ERC2: variants seen among roughly 807,000 people sequenced by gnomAD.
ERC2 encodes ELKS/RAB6-interacting/CAST family member 2, also known as ERC protein 2.
In ERC2, 42 loss-of-function variants were observed where a neutral mutation model predicts 114.8. The observed-to-expected ratio is 0.37, with a 90% CI of 0.29 to 0.47. ERC2 has a LOEUF of 0.47. Ranked by LOEUF, ERC2 falls within the 20% of genes least tolerant of loss-of-function variation. ERC2 has a pLI of 0.99. For synonymous variants in ERC2, 454 were observed against 425.5 expected (o/e 1.07, Z -0.82); for missense variants, 939 against 1,150.7 (o/e 0.82, Z 2.66).
At chr3:55,581,442 G>A (rs2057256378) in intron 17 of ERC2, among the ~76,000 whole-genome samples, 1 of 152,148 alleles carries the variant, frequency 6.6e-6, no homozygotes, top group South Asian at 2.1e-4. Context: ...TTAACTCAGG[G>A]GAGTTACCCA....
intron 14 of ERC2, among the ~76,000 whole-genome samples, chr3:55,880,227 G>A (rs931127830): frequency 2.0e-5 from 3 of 152,188 alleles, no homozygotes; most frequent in African/African-American, 4.8e-5. Context: ...CAGAAGGAAC[G>A]TGAGTCCCTA....
At chr3:55,924,859 G>C (rs1238168230) in intron 13 of ERC2, among the ~76,000 whole-genome samples, 3 of 152,176 alleles carry the variant, frequency 2.0e-5, no homozygotes, top group Non-Finnish European at 4.4e-5. Flanking sequence ...AATGAACCCT[G>C]TGTGGATATA....
intron 14 of ERC2, among the ~76,000 whole-genome samples, chr3:55,878,506 C>T (rs997045198): frequency 6.6e-6 from 1 of 152,162 alleles, no homozygotes; most frequent in African/African-American, 2.4e-5. Flanking sequence ...GCCACCATTC[C>T]CACACTTGAA....
chr3:55,608,079 C>T (rs976688364), intron 17 of ERC2, among the ~76,000 whole-genome samples: 115 of 152,230 alleles, frequency 7.6e-4, no homozygotes, highest in African/African-American at 2.6e-3. Context: ...CTTTGCATTA[C>T]GAAAGAGACC....
At chr3:55,516,363 G>A (rs1182912965) in intron 17 of ERC2, among the ~76,000 whole-genome samples, 6 of 151,940 alleles carry the variant, frequency 3.9e-5, no homozygotes, top group Non-Finnish European at 7.4e-5. Flanking sequence ...ATTTATTATT[G>A]TTGTGATCAA....
intron 14 of ERC2, among the ~76,000 whole-genome samples, chr3:55,799,381 TTA>T (rs749659338): frequency 5.6e-5 from 6 of 106,946 alleles, no homozygotes; most frequent in East Asian, 2.6e-4. Flanking sequence ...TATATATGCC[TTA>T]TATATATATA....
chr3:55,880,387 T>C (rs996333159), intron 14 of ERC2, among the ~76,000 whole-genome samples: 1 of 152,212 alleles, frequency 6.6e-6, no homozygotes, highest in Non-Finnish European at 1.5e-5. Context: ...TTCAGCATAG[T>C]TTTTTTGTTG....
chr3:55,748,741 G>A (rs2132237), intron 14 of ERC2, among the ~76,000 whole-genome samples: 81,794 of 151,916 alleles, frequency 0.54, 22,425 homozygotes, highest in South Asian at 0.69. Flanking sequence ...TCTTCATCCC[G>A]AATGCCTAGT....
chr3:55,592,250 C>A (rs2057927390), intron 17 of ERC2, among the ~76,000 whole-genome samples: 1 of 152,238 alleles, frequency 6.6e-6, no homozygotes, highest in South Asian at 2.1e-4. Context: ...TATCTGGGCA[C>A]AAGCTTTGCT....
chr3:56,021,094 G>C (rs1353274713), intron 7 of ERC2, among the ~76,000 whole-genome samples: 1 of 152,096 alleles, frequency 6.6e-6, no homozygotes, highest in Non-Finnish European at 1.5e-5. Flanking sequence ...TATTGAGCTA[G>C]GGATGCACCA....
At chr3:55,939,928 C>G (rs188122567) in intron 13 of ERC2, among the ~76,000 whole-genome samples, 1 of 152,150 alleles carries the variant, frequency 6.6e-6, no homozygotes, top group Non-Finnish European at 1.5e-5. Context: ...TTATTATAAC[C>G]GATTGCTCTA....
At chr3:55,524,106 C>T (rs2053146584) in intron 17 of ERC2, among the ~76,000 whole-genome samples, 1 of 152,156 alleles carries the variant, frequency 6.6e-6, no homozygotes, top group African/African-American at 2.4e-5. Flanking sequence ...TGAACTCTGC[C>T]TATAAAGTCC....
intron 14 of ERC2, among the ~76,000 whole-genome samples, chr3:55,818,969 C>A (rs984683896): frequency 2.6e-5 from 4 of 152,164 alleles, no homozygotes; most frequent in African/African-American, 4.8e-5. Flanking sequence ...TTTACAGATA[C>A]CAGAGTACCT....
chr3:55,857,112 T>C (rs2061822384), intron 14 of ERC2, among the ~76,000 whole-genome samples: 1 of 152,100 alleles, frequency 6.6e-6, no homozygotes, highest in African/African-American at 2.4e-5. Context: ...TACTGCAAAA[T>C]AAATGTACCA....
chr3:56,043,117 C>A (rs1328714108), intron 7 of ERC2, among the ~76,000 whole-genome samples: 1 of 152,152 alleles, frequency 6.6e-6, no homozygotes, highest in Non-Finnish European at 1.5e-5. Context: ...ATGAAAAAAA[C>A]TCCTAATATA....
intron 14 of ERC2, among the ~76,000 whole-genome samples, chr3:55,750,387 C>T (rs903217799): frequency 1.3e-5 from 2 of 152,150 alleles, no homozygotes; most frequent in African/African-American, 4.8e-5. Flanking sequence ...TAAACTGAGA[C>T]TGTAATATTT....
intron 13 of ERC2, among the ~76,000 whole-genome samples, chr3:55,942,262 CTTTCTTTTTTTTT>C (rs2066844496): frequency 1.2e-5 from 1 of 82,510 alleles, no homozygotes; most frequent in African/African-American, 5.4e-5. Flanking sequence ...GTCTAAGGTC[CTTTCTTTTTTTTT>C]TTTTTTTTTT....
At chr3:55,565,794 A>G (rs752617798) in intron 17 of ERC2, among the ~76,000 whole-genome samples, 2 of 152,188 alleles carry the variant, frequency 1.3e-5, no homozygotes, top group African/African-American at 2.4e-5. Context: ...ACTTTCAGAA[A>G]TAATCATTTG....
chr3:55,643,704 T>G (rs1341485171), intron 17 of ERC2, among the ~76,000 whole-genome samples: 1 of 152,206 alleles, frequency 6.6e-6, no homozygotes, highest in Non-Finnish European at 1.5e-5. Context: ...CTCATTATTT[T>G]TAAACATATG....
Sources: allele counts gnomAD v4.1 joint callset (sites outside exome capture counted in the v4.1 genomes callset), GRCh38; gene constraint gnomAD v4.1.1; transcripts MANE v1.5; gene names NCBI Gene and HGNC (gene_info 2026-07-23, HGNC 2026-07-21).